Variants in AMBP observed in about 807,000 individuals in gnomAD.
AMBP encodes the protein protein AMBP.
A neutral mutation model predicts 46.3 loss-of-function variants in AMBP; 37 were observed. The ratio of observed to expected loss-of-function variants is 0.80; its 90% CI spans 0.61 to 1.05. AMBP has a LOEUF of 1.05. AMBP is among the 50% of genes least tolerant of loss of function. The probability of loss-of-function intolerance (pLI) is 0.00; values close to 1 mark genes in which losing one functional copy is unlikely to be tolerated. For synonymous variants in AMBP, 174 were observed against 175.9 expected (o/e 0.99, Z 0.09); for missense variants, 475 against 461.2 (o/e 1.03, Z -0.27).
intron 9 of AMBP, among the ~76,000 whole-genome samples, chr9:114,060,561 T>TACTA (rs1451700965): frequency 6.6e-6 from 1 of 152,156 alleles, no homozygotes; most frequent in Non-Finnish European, 1.5e-5. Context: ...GTTAGCTGAG[T>TACTA]ACTAACTCCG....
At chr9:114,068,295 T>C (rs1846712071) in intron 6 of AMBP, among the ~76,000 whole-genome samples, 2 of 151,512 alleles carry the variant, frequency 1.3e-5, no homozygotes, top group African/African-American at 4.9e-5. Context: ...CTTCAGTTTC[T>C]TTAAACAAAA....
chr9:114,063,835 G>A (rs1846665889), intron 6 of AMBP, among the ~76,000 whole-genome samples: 1 of 152,172 alleles, frequency 6.6e-6, no homozygotes, highest in Admixed American at 6.5e-5. Flanking sequence ...ATGATAAAGT[G>A]CAGTTTCCAT....
intron 1 of AMBP, among the ~76,000 whole-genome samples, chr9:114,076,993 T>C (rs533684139): frequency 2.2e-4 from 33 of 152,272 alleles, no homozygotes; most frequent in African/African-American, 7.7e-4. Context: ...GGTCCCAACC[T>C]GCCCTGCAGA....
intron 5 of AMBP, among the ~76,000 whole-genome samples, chr9:114,072,028 C>G (rs1446334802): frequency 2.0e-5 from 3 of 152,228 alleles, no homozygotes; most frequent in Non-Finnish European, 2.9e-5. Flanking sequence ...GTACCTCATT[C>G]TTTCTGGTCA....
At chr9:114,068,808 T>TA (rs34177397) in intron 6 of AMBP, among the ~76,000 whole-genome samples, 5,945 of 96,952 alleles carry the variant, frequency 0.061, 447 homozygotes, top group African/African-American at 0.2. Flanking sequence ...GTGGTGAGAT[T>TA]AAAAAAAAAA....
At chr9:114,069,921 G>A (rs1229840382) in intron 5 of AMBP, 176 bp from the exon 6 acceptor site, 2 of 619,298 alleles carry the variant, frequency 3.2e-6, no homozygotes, top group South Asian at 2.0e-5. Flanking sequence ...AAAAGCAAGA[G>A]ACTGGTGGCT....
At chr9:114,068,808 TAA>T (rs34177397) in intron 6 of AMBP, among the ~76,000 whole-genome samples, 1,869 of 97,064 alleles carry the variant, frequency 0.019, 37 homozygotes, top group African/African-American at 0.062. Context: ...GTGGTGAGAT[TAA>T]AAAAAAAAAA....
rs764419808 is a variant in AMBP at position 114,073,042 on chromosome 9, AGAG to A, written c.455-19_455-17del. 2.5e-6 allele frequency: 4 copies of A among 1,608,948 alleles called. No individual in the cohort carries two copies. In the South Asian group the frequency reaches 3.3e-5, roughly 13 times the overall value. The stretch of plus-strand genomic sequence containing the variant: ...GGCGCCCGCCCTGCAAGGAGGAAGC[AGAG>A]GAGACGCCTAGAACCACCAGGTGCT... On this transcript the variant is annotated splice_polypyrimidine_tract_variant and intron_variant, in intron 4 of 9. Coordinates refer to ENST00000265132, the MANE Select transcript of AMBP (RefSeq NM_001633.4).
Position 114,078,286 on chromosome 9 carries a change from G to A in AMBP, c.-77C>T, listed in dbSNP as rs1273636861. The A allele has an allele frequency of 7.1e-7, 1 of 1,401,460 alleles. No individual in the cohort carries two copies. The highest frequency in any genetic ancestry group is 1.0e-6 in the Non-Finnish European group (1 of 1,003,242). 86.8% of individuals were successfully genotyped at this position (1,401,460 alleles called of 1,614,324 possible). On this transcript the variant is annotated 5_prime_UTR_variant, in exon 1 of 10. Coordinates refer to ENST00000265132, the MANE Select transcript of AMBP (RefSeq NM_001633.4). ...GAAGGGCCACCGCCTCCCTGCAACA[G>A]GGCAGCTGTGAACTGAGGCTGGGGA... is the stretch of plus-strand genomic sequence containing the variant.
Position 114,074,943 on chromosome 9 carries a change from C to T in AMBP, c.337+17G>A, listed in dbSNP as rs1356741341. The T allele has an allele frequency of 5.6e-6, 9 of 1,611,188 alleles. No homozygotes were observed. Among genetic ancestry groups the T allele is most frequent in the Non-Finnish European group, 7.6e-6 (9 of 1,177,384 alleles). On this transcript the variant is annotated intron_variant, in intron 3 of 9. Coordinates refer to ENST00000265132, the MANE Select transcript of AMBP (RefSeq NM_001633.4). ...AGCAAAGGAGAGAATGCATGTGTCT[C>T]TTTCCACTCCACTTACTGGATTTGT...
Position 114,070,528 on chromosome 9 carries a change from G to A in AMBP, c.557-783C>T, listed in dbSNP as rs545357589. Among the ~76,000 whole-genome samples, 14 of 152,362 alleles carry A rather than the reference G, an allele frequency of 9.2e-5. No individual in the cohort carries two copies. In the South Asian group the frequency reaches 2.5e-3, roughly 27 times the overall value. On this transcript the variant is annotated intron_variant, in intron 5 of 9. Transcript: ENST00000265132. ...AGCCTGCCACCCTGGCGGCCGTCAC[G>A]ATGGGGCTGGGCTGAGTCACCTGCC...
chr9:114,069,872 T>C, intron 5 of AMBP, 127 bp from the exon 6 acceptor site: 1 of 914,570 alleles, frequency 1.1e-6, no homozygotes, highest in Non-Finnish European at 1.7e-6. Context: ...ACTTCATGAA[T>C]GGTCCTGCCT....
chr9:114,072,422 C>T (rs527629023), intron 5 of AMBP, among the ~76,000 whole-genome samples: 13 of 152,330 alleles, frequency 8.5e-5, no homozygotes, highest in East Asian at 3.9e-4. Context: ...CATCCCTTGC[C>T]GCTTCATGCC....
chr9:114,076,468 A>AG, intron 2 of AMBP, 130 bp downstream of exon 2: 1 of 1,335,692 alleles, frequency 7.5e-7, no homozygotes, highest in Non-Finnish European at 1.0e-6. Context: ...AGGAGCGTAG[A>AG]GGGATCTGGG....
intron 6 of AMBP, among the ~76,000 whole-genome samples, chr9:114,068,261 T>C (rs1431141186): frequency 6.6e-6 from 1 of 152,126 alleles, no homozygotes; most frequent in African/African-American, 2.4e-5. Flanking sequence ...TGACTAAATA[T>C]TCATTTGAAG....
Position 114,060,280 on chromosome 9 carries a change from CAGAG to C in AMBP, c.1028-14_1028-11del, listed in dbSNP as rs751706492. Reference sequence around the variant, plus strand: ...AGCAGCTCCTCATCACCTGTGGACACAGAGAGACTCAGGGAGGGGTCCGTAGGCA... The same window carrying C: ...AGCAGCTCCTCATCACCTGTGGACACAGACTCAGGGAGGGGTCCGTAGGCA... On this transcript the variant is annotated splice_polypyrimidine_tract_variant and intron_variant, in intron 9 of 9. Coordinates refer to ENST00000265132, the MANE Select transcript of AMBP (RefSeq NM_001633.4). 5.5e-5 allele frequency: 89 copies of C among 1,612,866 alleles called. No individual in the cohort carries two copies. The highest frequency in any genetic ancestry group is 1.3e-4 in the East Asian group (6 of 44,856).
At chr9:114,071,229 C>T (rs1331009604) in intron 5 of AMBP, among the ~76,000 whole-genome samples, 1 of 152,216 alleles carries the variant, frequency 6.6e-6, no homozygotes, top group African/African-American at 2.4e-5. Context: ...GGTCCCCTGC[C>T]CACCACAGAC....
At chr9:114,063,997 T>A (rs920105747) in intron 6 of AMBP, among the ~76,000 whole-genome samples, 13 of 152,210 alleles carry the variant, frequency 8.5e-5, no homozygotes, top group African/African-American at 2.7e-4. Context: ...AGCTCCTTCT[T>A]GGACATTCCT....
intron 1 of AMBP, 71 bp from the exon 2 acceptor site, chr9:114,076,811 TC>T: frequency 6.5e-7 from 1 of 1,547,480 alleles, no homozygotes; most frequent in Non-Finnish European, 8.8e-7. Flanking sequence ...TGACATCTGC[TC>T]CCCACCCTCC....
Sources: gnomAD v4.1 joint callset for allele counts (sites outside exome capture counted in the v4.1 genomes callset) on GRCh38, gnomAD v4.1.1 for gene constraint, MANE v1.5 for transcripts, NCBI Gene and HGNC (gene_info 2026-07-23, HGNC 2026-07-21) for gene names.